Variants in FKBP15 observed in about 807,000 individuals in gnomAD.
FKBP15 encodes FKBP prolyl isomerase family member 15.
FKBP15 carries 106 observed loss-of-function variants against 158.1 expected under a neutral mutation model. The ratio of observed to expected loss-of-function variants is 0.67; its 90% CI spans 0.57 to 0.79. The LOEUF is 0.79. Among genes scored for constraint, FKBP15 ranks in the 30% least tolerant of loss-of-function variants. The pLI is 0.00. For missense variants in FKBP15, 1,287 were observed against 1,479.1 expected (o/e 0.87, Z 2.13); for synonymous variants, 547 against 548.6 (o/e 1.00, Z 0.04).
At chr9:113,179,446 G>A (rs1370876918) in intron 19 of FKBP15, among the ~76,000 whole-genome samples, 1 of 152,042 alleles carries the variant, frequency 6.6e-6, no homozygotes, top group Non-Finnish European at 1.5e-5. Flanking sequence ...GGCAGATCAC[G>A]AGGTCAGGAG....
At chr9:113,209,402 T>A (rs73655849) in intron 2 of FKBP15, among the ~76,000 whole-genome samples, 2,410 of 152,334 alleles carry the variant, frequency 0.016, 73 homozygotes, top group African/African-American at 0.055. Flanking sequence ...ACACTGCTGA[T>A]GAAGAGATGT....
chr9:113,178,593 A>G, intron 20 of FKBP15, 37 bp downstream of exon 20: 1 of 1,548,506 alleles, frequency 6.5e-7, no homozygotes. Context: ...TTGAGTTTAA[A>G]TGGCAACAAT....
intron 4 of FKBP15, 65 bp downstream of exon 4, chr9:113,206,444 A>T: frequency 7.5e-7 from 1 of 1,342,124 alleles, no homozygotes; most frequent in Non-Finnish European, 1.1e-6. Flanking sequence ...CAAGCCAGAT[A>T]AAAGCCAGCT....
chr9:113,199,892 G>A lies in FKBP15; in HGVS notation c.570C>T (p.Asp190=), dbSNP rs549888321. ...AVLSQDLIVA[D]GPAVEVGDSL... The stretch of plus-strand genomic sequence containing the variant: ...AATCTCCAACTTCTACAGCAGGGCC[G>A]TCTGCCACAATGAGGTCCTGGGAGA... The change falls in exon 7 of 28, where the codon GAC becomes GAT. Residue 190 remains aspartate (D), a synonymous_variant. Transcript: ENST00000238256. 8.7e-6 allele frequency: 14 copies of A among 1,613,178 alleles called. No individual in the cohort carries two copies. The highest frequency in any genetic ancestry group is 5.3e-5 in the African/African-American group (4 of 75,026).
intron 1 of FKBP15, among the ~76,000 whole-genome samples, chr9:113,218,697 T>C (rs1831194743): frequency 6.6e-6 from 1 of 152,142 alleles, no homozygotes; most frequent in Non-Finnish European, 1.5e-5. Flanking sequence ...GGCAAAGGTC[T>C]CAAAGTTTAT....
intron 1 of FKBP15, among the ~76,000 whole-genome samples, 161 bp from the exon 2 acceptor site, chr9:113,211,753 A>T (rs997554301): frequency 1.1e-4 from 1 of 8,882 alleles, no homozygotes; most frequent in Admixed American, 1.5e-3. Context: ...TTTAAAAATT[A>T]AAAAAAAAAA....
intron 13 of FKBP15, 105 bp downstream of exon 13, chr9:113,188,284 A>G (rs1239451014): frequency 3.6e-6 from 3 of 844,144 alleles, no homozygotes; most frequent in Non-Finnish European, 5.7e-6. Flanking sequence ...TTTACACTTT[A>G]GTCCTCAGTA....
rs1830097163 is a variant in FKBP15, at chr9:113,166,212, C to G, written c.3583-57G>C. 8 of 1,489,946 alleles carry G rather than the reference C, an allele frequency of 5.4e-6. 1 individual carries two copies. The highest frequency in any genetic ancestry group is 7.4e-6 in the Non-Finnish European group (8 of 1,083,080). 92.3% of individuals were successfully genotyped at this position (1,489,946 alleles called of 1,614,324 possible). Reference sequence around the variant, plus strand: ...ACTTGTGCCTGCACCACTGGACTTTCCACCTGTGAGTGGAAGCAATCCAAC... The same window carrying G: ...ACTTGTGCCTGCACCACTGGACTTTGCACCTGTGAGTGGAAGCAATCCAAC... On this transcript the variant is annotated intron_variant, in intron 27 of 27. Coordinates refer to ENST00000238256, the MANE Select transcript of FKBP15 (RefSeq NM_015258.2).
Position 113,198,834 on chromosome 9 carries a change from A to G in FKBP15, c.717+21T>C. ...CCACTGCAACTGATAAAACCATAAA[A>G]AAACACAGTTAAGCCTTTACCTTGA... On this transcript the variant is annotated intron_variant, in intron 8 of 27. Coordinates refer to ENST00000238256, the MANE Select transcript of FKBP15 (RefSeq NM_015258.2). The surrounding 1 kb of genome is among the most constrained non-coding windows in gnomAD (Gnocchi z 5.2). 6.4e-7 allele frequency: 1 copy of G among 1,567,580 alleles called. No homozygotes were observed. Among genetic ancestry groups the G allele is most frequent in the Non-Finnish European group, 8.7e-7 (1 of 1,150,358 alleles).
At chr9:113,216,904 C>CTTTTTT (rs71491083) in intron 1 of FKBP15, among the ~76,000 whole-genome samples, 2 of 131,792 alleles carry the variant, frequency 1.5e-5, no homozygotes, top group African/African-American at 5.7e-5. Flanking sequence ...ATTCCATTTT[C>CTTTTTT]TTTTTTTTTT....
In FKBP15 at chr9:113,221,260, G is replaced by A. The variant is rs2233914; in HGVS notation, c.-17C>T. 205,614 of 1,597,412 alleles carry A rather than the reference G, an allele frequency of 0.13. 16,149 individuals are homozygous for A. The highest frequency in any genetic ancestry group is 0.37 in the East Asian group (16,382 of 43,814). Reference sequence around the variant, plus strand: ...ACCGAACATTGCGTTGGCTTTCACCGGGTTGCGGGGAGGAAGCTGGGTATT... The same window carrying A: ...ACCGAACATTGCGTTGGCTTTCACCAGGTTGCGGGGAGGAAGCTGGGTATT... On this transcript the variant is annotated 5_prime_UTR_variant, in exon 1 of 28. Coordinates refer to ENST00000238256, the MANE Select transcript of FKBP15 (RefSeq NM_015258.2).
intron 19 of FKBP15, among the ~76,000 whole-genome samples, chr9:113,181,962 A>C: frequency 6.6e-6 from 1 of 152,140 alleles, no homozygotes; most frequent in East Asian, 1.9e-4. Flanking sequence ...TCAGGATTGG[A>C]CAGGGCTGTG....
chr9:113,206,708 T>A, intron 3 of FKBP15, 130 bp from the exon 4 acceptor site: 3 of 534,308 alleles, frequency 5.6e-6, no homozygotes, highest in Non-Finnish European at 9.5e-6. Context: ...GTGAGCGGTT[T>A]AAAATTTTTT....
chr9:113,208,750 T>TAATC (rs779478383), intron 2 of FKBP15, among the ~76,000 whole-genome samples: 33 of 146,582 alleles, frequency 2.3e-4, no homozygotes, highest in Non-Finnish European at 4.3e-4. Flanking sequence ...CTCACACAGG[T>TAATC]AATCCCAGCA....
intron 1 of FKBP15, among the ~76,000 whole-genome samples, chr9:113,215,524 T>C (rs754362271): frequency 1.3e-4 from 19 of 151,028 alleles, no homozygotes; most frequent in East Asian, 1.9e-4. Context: ...TATAATACCA[T>C]TGAAAAAGTT....
intron 21 of FKBP15, among the ~76,000 whole-genome samples, chr9:113,175,603 A>G (rs1340219421): frequency 6.6e-6 from 1 of 152,200 alleles, no homozygotes; most frequent in Non-Finnish European, 1.5e-5. Flanking sequence ...CCAACAAAAG[A>G]TACTATAAAT....
chr9:113,202,698 C>G (rs2118929902), intron 5 of FKBP15, 69 bp from the exon 6 acceptor site: 1 of 1,265,106 alleles, frequency 7.9e-7, no homozygotes, highest in East Asian at 2.6e-5. Flanking sequence ...ACGGCCTAAG[C>G]TCATAGAGTA....
At position 113,198,910 on chromosome 9, in the gene FKBP15, G is replaced by A; in HGVS notation, c.662C>T (p.Thr221Ile). 1 of 1,603,162 alleles carries A rather than the reference G, an allele frequency of 6.2e-7. No individual in the cohort carries two copies. The highest frequency in any genetic ancestry group is 8.5e-7 in the Non-Finnish European group (1 of 1,174,360). The change falls in exon 8 of 28, where the codon ACT (threonine) becomes ATT (isoleucine). Residue 221 changes from threonine (T) to isoleucine (I), a missense_variant. Physicochemically the swap from Thr to Ile is moderately conservative, Grantham distance 89. Coordinates refer to ENST00000238256, the MANE Select transcript of FKBP15 (RefSeq NM_015258.2). This position sits in a 1 kb window ranked among gnomAD's most constrained non-coding sequence, Gnocchi z 5.2. ...NHVLGQVFDS[T>I]ANKDKLLRLK... ...GCGAAGCAACTTATCTTTGTTAGCA[G>A]TGGAGTCGAAAACCTGCAATTTGAT...
chr9:113,207,432 C>T (rs1207944897), intron 2 of FKBP15, 136 bp from the exon 3 acceptor site: 6 of 592,728 alleles, frequency 1.0e-5, no homozygotes, highest in Admixed American at 2.3e-5. Flanking sequence ...CTCCACCTCC[C>T]GGGTTCAAGC....
Sources: gnomAD v4.1 joint callset for allele counts (sites outside exome capture counted in the v4.1 genomes callset) on GRCh38, gnomAD v4.1.1 for gene constraint, Gnocchi (gnomAD v3.1) non-coding constraint, MANE v1.5 for transcripts, NCBI Gene and HGNC (gene_info 2026-07-23, HGNC 2026-07-21) for gene names.